COL25A1: variants seen among roughly 807,000 people sequenced by gnomAD.
The protein encoded by COL25A1 is collagen alpha-1(XXV) chain.
COL25A1 carries 103 observed loss-of-function variants against 128.4 expected under a neutral mutation model. The observed-to-expected ratio is 0.80, with a 90% CI of 0.68 to 0.94. The LOEUF (loss-of-function observed/expected upper bound fraction) is 0.94. Ranked by LOEUF, COL25A1 falls within the 40% of genes least tolerant of loss-of-function variation. The pLI, the probability that COL25A1 is intolerant of heterozygous loss-of-function variation, is 0.00. For missense variants in COL25A1, 745 were observed against 840.0 expected, an observed-to-expected ratio of 0.89 and a Z score of 1.40; for synonymous variants, 279 against 277.2, an observed-to-expected ratio of 1.01 and a Z score of -0.06.
At chr4:109,233,061 ATTCTTCT>A (rs2126222557) in intron 3 of COL25A1, among the ~76,000 whole-genome samples, 1 of 152,228 alleles carries the variant, frequency 6.6e-6, no homozygotes, top group Non-Finnish European at 1.5e-5. Context: ...TTACTTATGA[ATTCTTCT>A]TTCTTCTTTC....
At position 109,161,360 on chromosome 4, in the gene COL25A1, G is replaced by A. The variant is rs143137408; in HGVS notation, c.368-111181C>T. 1.7e-3 allele frequency among the ~76,000 whole-genome samples: 253 copies of A among 152,226 alleles called. 3 individuals carry two copies. The highest frequency in any genetic ancestry group is 5.6e-3 in the African/African-American group (233 of 41,536). On this transcript the variant is annotated intron_variant, in intron 3 of 37. Transcript: ENST00000399132. Reference sequence around the variant, plus strand: ...GTTCTGAAATGTCAATAGTGCCAAGGTTGTTCTAGTTGATAGAAACCTGAA... The same window carrying A: ...GTTCTGAAATGTCAATAGTGCCAAGATTGTTCTAGTTGATAGAAACCTGAA...
At chr4:109,221,082 TA>T (rs1045599746) in intron 3 of COL25A1, among the ~76,000 whole-genome samples, 5 of 152,022 alleles carry the variant, frequency 3.3e-5, no homozygotes, top group African/African-American at 1.2e-4. Flanking sequence ...ATTTAGTACT[TA>T]ATATGCATAA....
At chr4:109,091,259 A>G (rs1381903709) in intron 3 of COL25A1, among the ~76,000 whole-genome samples, 1 of 151,934 alleles carries the variant, frequency 6.6e-6, no homozygotes, top group Non-Finnish European at 1.5e-5. Context: ...ACACCTCCAA[A>G]AGGTGTTTGC....
intron 11 of COL25A1, among the ~76,000 whole-genome samples, chr4:108,925,568 T>A (rs1745953077): frequency 6.6e-6 from 1 of 152,202 alleles, no homozygotes; most frequent in African/African-American, 2.4e-5. Flanking sequence ...CAATTGTATG[T>A]GTATGGCCTT....
intron 11 of COL25A1, among the ~76,000 whole-genome samples, chr4:108,924,884 TCC>T (rs1745874057): frequency 6.6e-6 from 1 of 152,196 alleles, no homozygotes; most frequent in African/African-American, 2.4e-5. Flanking sequence ...CTCTCCTGCA[TCC>T]ATTCCAAATA....
At chr4:108,884,081 T>C in intron 19 of COL25A1, 97 bp downstream of exon 19, 1 of 1,228,708 alleles carries the variant, frequency 8.1e-7, no homozygotes, top group Non-Finnish European at 1.2e-6. Flanking sequence ...AGAACAGCAT[T>C]CTATTTTTAG....
At chr4:109,295,338 C>T (rs1451706610) in intron 3 of COL25A1, among the ~76,000 whole-genome samples, 1 of 152,048 alleles carries the variant, frequency 6.6e-6, no homozygotes, top group Non-Finnish European at 1.5e-5. Flanking sequence ...CTGTTGTACT[C>T]ATTAGGACTG....
intron 6 of COL25A1, among the ~76,000 whole-genome samples, chr4:108,987,372 TTTTC>T (rs1448694653): frequency 3.1e-5 from 3 of 96,468 alleles, no homozygotes; most frequent in African/African-American, 9.2e-5. Flanking sequence ...CTTTCTTTTT[TTTTC>T]TTTTTCTTTT....
intron 3 of COL25A1, among the ~76,000 whole-genome samples, chr4:109,165,238 T>C (rs900273370): frequency 2.6e-5 from 4 of 152,136 alleles, no homozygotes; most frequent in Non-Finnish European, 5.9e-5. Context: ...AAGCAGAATA[T>C]GGACAGTGGT....
At chr4:109,139,204 T>C (rs915310423) in intron 3 of COL25A1, among the ~76,000 whole-genome samples, 1 of 104,256 alleles carries the variant, frequency 9.6e-6, no homozygotes, top group African/African-American at 2.7e-5. Flanking sequence ...TTTGTTTAAG[T>C]TCCTTGTAGA....
At chr4:109,167,739 G>C (rs1192985938) in intron 3 of COL25A1, among the ~76,000 whole-genome samples, 4 of 152,098 alleles carry the variant, frequency 2.6e-5, no homozygotes, top group Non-Finnish European at 5.9e-5. Flanking sequence ...CAAGATGAAT[G>C]AGTCTCTTAC....
intron 8 of COL25A1, among the ~76,000 whole-genome samples, chr4:108,966,926 A>AGAAAGAAAGAAAAGAGAG (rs56937338): frequency 0.3 from 45,559 of 150,582 alleles, 7,470 homozygotes; most frequent in South Asian, 0.44. Context: ...AAGAGAGAAA[A>AGAAAGAAAGAAAAGAGAG]AGAGAGAAAG....
intron 3 of COL25A1, among the ~76,000 whole-genome samples, chr4:109,170,890 G>A (rs957549411): frequency 3.9e-5 from 6 of 152,122 alleles, no homozygotes; most frequent in South Asian, 2.1e-4. Context: ...ACCATTTCAC[G>A]TGGTGGTAGT....
chr4:108,906,401 G>A lies in COL25A1; in HGVS notation c.781-5229C>T, dbSNP rs78356029. Among the ~76,000 whole-genome samples the A allele has an allele frequency of 4.6e-3, 697 of 152,138 alleles. 14 individuals carry two copies. In the East Asian group the frequency reaches 0.062, roughly 14 times the overall value. On this transcript the variant is annotated intron_variant, in intron 13 of 37. Coordinates refer to ENST00000399132, the MANE Select transcript of COL25A1 (RefSeq NM_198721.4). ...GATCAAATATCTCCTTACTACAGGG[G>A]TTACCCCTGAGTTCCCCCCACTCCC...
At chr4:109,039,816 A>C (rs191370804) in intron 5 of COL25A1, among the ~76,000 whole-genome samples, 1 of 152,318 alleles carries the variant, frequency 6.6e-6, no homozygotes, top group Non-Finnish European at 1.5e-5. Flanking sequence ...TGAACTAATT[A>C]TTAACAATCC....
At chr4:109,112,672 G>A (rs528917113) in intron 3 of COL25A1, among the ~76,000 whole-genome samples, 4 of 151,998 alleles carry the variant, frequency 2.6e-5, no homozygotes, top group Non-Finnish European at 5.9e-5. Context: ...AAAAATGATA[G>A]TAGTCCCAAA....
At chr4:109,113,314 G>A (rs1767203531) in intron 3 of COL25A1, among the ~76,000 whole-genome samples, 1 of 152,078 alleles carries the variant, frequency 6.6e-6, no homozygotes, top group Admixed American at 6.6e-5. Flanking sequence ...CCTGGACATT[G>A]TGCAGAGCTG....
intron 18 of COL25A1, among the ~76,000 whole-genome samples, chr4:108,886,810 C>T (rs905769457): frequency 3.9e-5 from 6 of 151,936 alleles, no homozygotes; most frequent in Non-Finnish European, 7.4e-5. Flanking sequence ...CTTTTTTCCC[C>T]TTCTTTTCAC....
intron 5 of COL25A1, among the ~76,000 whole-genome samples, chr4:109,025,213 A>G (rs548546657): frequency 6.6e-6 from 1 of 152,344 alleles, no homozygotes; most frequent in Non-Finnish European, 1.5e-5. Flanking sequence ...AGTTTTACAG[A>G]CATGTTTAGT....
Sources: allele counts gnomAD v4.1 joint callset (sites outside exome capture counted in the v4.1 genomes callset), GRCh38; gene constraint gnomAD v4.1.1; transcripts MANE v1.5; gene names NCBI Gene and HGNC (gene_info 2026-07-23, HGNC 2026-07-21).